Variants in DAB1 observed in about 807,000 individuals in gnomAD.
The protein encoded by DAB1 is disabled homolog 1.
Under a neutral mutation model 64.6 loss-of-function variants are expected in DAB1, and 15 were observed. The observed-to-expected ratio is 0.23, with a 90% CI of 0.16 to 0.36. The LOEUF is 0.36. Ranked by LOEUF, DAB1 falls within the 10% of genes least tolerant of loss-of-function variation. The probability of loss-of-function intolerance (pLI) is 1.00; values close to 1 mark genes in which losing one functional copy is unlikely to be tolerated. For missense variants in DAB1, 596 were observed against 706.7 expected, an observed-to-expected ratio of 0.84 and a Z score of 1.78; for synonymous variants, 235 against 251.9, an observed-to-expected ratio of 0.93 and a Z score of 0.64.
intron 5 of DAB1, among the ~76,000 whole-genome samples, chr1:58,091,743 A>C (rs1477262892): frequency 6.6e-6 from 1 of 152,122 alleles, no homozygotes; most frequent in Non-Finnish European, 1.5e-5. Context: ...ATTCTGCTAA[A>C]ACCAGTATCT....
At chr1:57,620,049 G>A (rs55952935) in intron 7 of DAB1, among the ~76,000 whole-genome samples, 2 of 152,138 alleles carry the variant, frequency 1.3e-5, no homozygotes, top group African/African-American at 2.4e-5. Flanking sequence ...TTGTTACTTC[G>A]TTACTATCTG....
intron 3 of DAB1, among the ~76,000 whole-genome samples, chr1:58,368,555 A>ATCGT (rs140838): frequency 0.92 from 139,623 of 151,990 alleles, 64,288 homozygotes; most frequent in East Asian, 1. Context: ...AGTATTTTTA[A>ATCGT]TTGTTTGTTT....
At chr1:58,293,317 C>T (rs948204177) in intron 4 of DAB1, among the ~76,000 whole-genome samples, 6 of 152,198 alleles carry the variant, frequency 3.9e-5, no homozygotes, top group Non-Finnish European at 8.8e-5. Context: ...AGCTCTCTCT[C>T]ACTGCAGCTT....
intron 1 of DAB1, among the ~76,000 whole-genome samples, chr1:57,883,551 A>G (rs2101972748): frequency 6.6e-6 from 1 of 152,344 alleles, no homozygotes. Flanking sequence ...TTGATGCAGA[A>G]AGCAGCATAT....
chr1:58,163,915 G>T (rs1655680585), intron 4 of DAB1, among the ~76,000 whole-genome samples: 1 of 152,154 alleles, frequency 6.6e-6, no homozygotes, highest in African/African-American at 2.4e-5. Flanking sequence ...AGCCAGAACA[G>T]CTTTGAAAAA....
chr1:57,128,190 A>T (rs1483759282), intron 4 of DAB1, among the ~76,000 whole-genome samples: 8 of 151,062 alleles, frequency 5.3e-5, no homozygotes, highest in Admixed American at 2.0e-4. Context: ...TAAATAAATA[A>T]ATAATACAAT....
At chr1:57,809,199 C>G (rs1178577586) in intron 6 of DAB1, among the ~76,000 whole-genome samples, 1 of 152,132 alleles carries the variant, frequency 6.6e-6, no homozygotes, top group Non-Finnish European at 1.5e-5. Context: ...AGAAAAGCAT[C>G]ATTCAAAATC....
intron 1 of DAB1, among the ~76,000 whole-genome samples, chr1:57,859,379 A>T (rs1038028636): frequency 2.0e-5 from 3 of 152,134 alleles, no homozygotes; most frequent in Non-Finnish European, 2.9e-5. Context: ...TTTTAAATAT[A>T]TATCTTATAT....
In DAB1 at chr1:57,183,648, C is replaced by T. The variant is rs549897225; in HGVS notation, c.68-38219G>A. Among the ~76,000 whole-genome samples, 27 of 152,222 alleles carry T rather than the reference C, an allele frequency of 1.8e-4. No homozygotes were observed. In the South Asian group the frequency reaches 5.4e-3, roughly 30 times the overall value. ...TGATACTTTCAAACTATGGTTGTTC[C>T]TAATAACTTGCCAGTTACACATTAG... On this transcript the variant is annotated intron_variant, in intron 2 of 14. Transcript: ENST00000371236.
chr1:57,098,414 A>T (rs1013758759), intron 4 of DAB1, among the ~76,000 whole-genome samples: 6 of 152,210 alleles, frequency 3.9e-5, no homozygotes, highest in African/African-American at 1.4e-4. Flanking sequence ...TTCAGGTAGA[A>T]TTTGAACTCA....
chr1:57,526,447 G>A (rs182856535), intron 7 of DAB1, among the ~76,000 whole-genome samples: 11 of 152,204 alleles, frequency 7.2e-5, no homozygotes, highest in Admixed American at 2.0e-4. Context: ...GGAAAATTAT[G>A]TCTTGAACTC....
intron 3 of DAB1, among the ~76,000 whole-genome samples, chr1:58,429,708 G>A (rs962574932): frequency 2.6e-5 from 4 of 152,166 alleles, no homozygotes; most frequent in Admixed American, 2.0e-4. Context: ...GTCCAATTTG[G>A]TGTCTTCACT....
chr1:58,274,253 G>A (rs1054667902), intron 4 of DAB1, among the ~76,000 whole-genome samples: 1 of 124,222 alleles, frequency 8.1e-6, no homozygotes, highest in African/African-American at 3.1e-5. Context: ...AGGTCTGTTG[G>A]AATACCCTGC....
intron 3 of DAB1, among the ~76,000 whole-genome samples, chr1:58,400,160 C>T (rs1402845743): frequency 6.6e-6 from 1 of 151,678 alleles, no homozygotes; most frequent in Non-Finnish European, 1.5e-5. Context: ...TAGTCTCTGC[C>T]TTTCTCTGCA....
At position 57,695,363 on chromosome 1, in the gene DAB1, A is replaced by AG. The variant is rs1491524063; in HGVS notation, n.552-45699dup. Among the ~76,000 whole-genome samples the AG allele has an allele frequency of 1.5e-3, 60 of 40,208 alleles. 2 individuals carry two copies. Among genetic ancestry groups the AG allele is most frequent in the African/African-American group, 8.7e-3 (50 of 5,770 alleles). The allele number at this position is 40,208 out of a possible 152,430, so 26.4% of individuals were successfully genotyped here. A position where few individuals can be genotyped will look rare whatever the true frequency, so the allele number is the denominator to read the frequency against. ...AAGAAAGAAAGAAAGAAAAGAAAGA[A>AG]GAAAGAAAGAAAGAAAGAAAGAAAG... On this transcript the variant is annotated intron_variant and non_coding_transcript_variant, in intron 6 of 20. Coordinates refer to the DAB1 transcript ENST00000485760.
intron 5 of DAB1, chr1:58,084,467 A>G (rs1300508495): frequency 6.2e-6 from 1 of 160,120 alleles, no homozygotes; most frequent in African/African-American, 2.4e-5. Flanking sequence ...TCCTATTTTC[A>G]AAGGTCTGAT....
At chr1:58,228,719 C>A in intron 4 of DAB1, 1 of 1,125,542 alleles carries the variant, frequency 8.9e-7, no homozygotes, top group Middle Eastern at 2.7e-4. Context: ...GTTCTTGGAC[C>A]TTCTGGAAAC....
At chr1:57,944,159 C>T (rs536212510) in intron 5 of DAB1, among the ~76,000 whole-genome samples, 2 of 152,244 alleles carry the variant, frequency 1.3e-5, no homozygotes, top group South Asian at 4.2e-4. Context: ...GTCTCACATC[C>T]CACAGCCATC....
At chr1:57,894,299 TTC>T (rs1240520104) in intron 5 of DAB1, among the ~76,000 whole-genome samples, 1 of 152,210 alleles carries the variant, frequency 6.6e-6, no homozygotes, top group Admixed American at 6.6e-5. Flanking sequence ...CTCAGTCAAA[TTC>T]TTTCTTCTAA....
Sources: gnomAD v4.1 joint callset for allele counts (sites outside exome capture counted in the v4.1 genomes callset) on GRCh38, gnomAD v4.1.1 for gene constraint, MANE v1.5 for transcripts, NCBI Gene and HGNC (gene_info 2026-07-23, HGNC 2026-07-21) for gene names.